Variants in CYB5R4 observed in about 807,000 individuals in gnomAD.
CYB5R4 encodes N-terminal cytochrome b5 and cytochrome b5 oxidoreductase domain-containing protein.
A neutral mutation model predicts 70.2 loss-of-function variants in CYB5R4; 55 were observed. The observed-to-expected ratio is 0.78, with a 90% CI of 0.63 to 0.98. CYB5R4 has a LOEUF of 0.98. CYB5R4 is among the 50% of genes least tolerant of loss of function. The pLI, the probability that CYB5R4 is intolerant of heterozygous loss-of-function variation, is 0.00. For synonymous variants in CYB5R4, 197 were observed against 199.5 expected (o/e 0.99, Z 0.11); for missense variants, 562 against 612.6 (o/e 0.92, Z 0.87).
intron 14 of CYB5R4, among the ~76,000 whole-genome samples, chr6:83,944,054 G>A (rs2099470193): frequency 6.6e-6 from 1 of 152,064 alleles, no homozygotes; most frequent in African/African-American, 2.4e-5. Context: ...TAGCAACACA[G>A]GCCAACATTC....
At chr6:83,903,439 T>C (rs2099463306) in intron 3 of CYB5R4, among the ~76,000 whole-genome samples, 1 of 152,114 alleles carries the variant, frequency 6.6e-6, no homozygotes. Context: ...TTCTTGACAT[T>C]TTTCCATTTA....
At chr6:83,861,337 T>C (rs1197732287) in intron 1 of CYB5R4, among the ~76,000 whole-genome samples, 1 of 152,248 alleles carries the variant, frequency 6.6e-6, no homozygotes, top group African/African-American at 2.4e-5. Flanking sequence ...AACAAGATGA[T>C]GCTGAGAATG....
At chr6:83,909,161 A>T in intron 4 of CYB5R4, 71 bp downstream of exon 4, 1 of 1,261,120 alleles carries the variant, frequency 7.9e-7, no homozygotes. Context: ...TTGGATTTAA[A>T]CAACTAGGTC....
rs1041911934 is a variant in CYB5R4 at position 83,959,957 on chromosome 6, T to A, written c.*79T>A. On this transcript the variant is annotated 3_prime_UTR_variant, in exon 16 of 16. Transcript: ENST00000369681. ...TTAGGGTTTTTTAAGAGAACATTTT[T>A]GTACATAACAAAAGGTTAACTAGAA... The A allele has an allele frequency of 7.2e-6, 8 of 1,118,584 alleles. No individual in the cohort carries two copies. The African/African-American group carries it at 1.3e-4, about 18-fold the overall frequency. 69.3% of individuals were successfully genotyped at this position (1,118,584 alleles called of 1,614,324 possible).
chr6:83,909,757 G>A (rs1423743125), intron 4 of CYB5R4, among the ~76,000 whole-genome samples: 1 of 152,124 alleles, frequency 6.6e-6, no homozygotes, highest in African/African-American at 2.4e-5. Flanking sequence ...TATGCCAGTT[G>A]TTTTTCACTG....
chr6:83,913,388 T>A (rs1242652793), intron 4 of CYB5R4, among the ~76,000 whole-genome samples: 2 of 152,180 alleles, frequency 1.3e-5, no homozygotes, highest in African/African-American at 4.8e-5. Context: ...CAAATCTAAT[T>A]TTGGCTTTTT....
chr6:83,874,711 G>A (rs146442255), intron 2 of CYB5R4, among the ~76,000 whole-genome samples: 4 of 151,994 alleles, frequency 2.6e-5, no homozygotes, highest in South Asian at 4.2e-4. Flanking sequence ...CTCCCTGATC[G>A]CTTCTTCCCC....
At chr6:83,914,564 G>A (rs2099465193) in intron 5 of CYB5R4, 116 bp downstream of exon 5, 4 of 899,042 alleles carry the variant, frequency 4.4e-6, no homozygotes, top group Middle Eastern at 3.9e-4. Flanking sequence ...TTGAGATGGA[G>A]TATTGCTTTG....
intron 14 of CYB5R4, among the ~76,000 whole-genome samples, chr6:83,953,110 C>A (rs947796623): frequency 8.6e-5 from 13 of 150,400 alleles, no homozygotes; most frequent in African/African-American, 3.0e-4. Flanking sequence ...TAATGTGTTC[C>A]CCGGAATGGA....
At chr6:83,864,939 T>C (rs1404241037) in intron 2 of CYB5R4, among the ~76,000 whole-genome samples, 1 of 152,074 alleles carries the variant, frequency 6.6e-6, no homozygotes, top group Non-Finnish European at 1.5e-5. Flanking sequence ...CAACCTGATA[T>C]CTAGTAGGGG....
At chr6:83,943,166 G>T (rs2099470029) in intron 14 of CYB5R4, among the ~76,000 whole-genome samples, 1 of 152,140 alleles carries the variant, frequency 6.6e-6, no homozygotes, top group South Asian at 2.1e-4. Context: ...CCTCCTGACG[G>T]GGAGACACCC....
In CYB5R4 at chr6:83,914,397, T is replaced by C. The variant is rs762389880; in HGVS notation, c.413-19T>C. ...TTAAAGTATTCTTATTTGACTTTTTTTTCTAAATCACTATACAGACTATCG... is the reference window on the plus strand; with the variant it reads ...TTAAAGTATTCTTATTTGACTTTTTCTTCTAAATCACTATACAGACTATCG... On this transcript the variant is annotated intron_variant, in intron 4 of 15. Transcript: ENST00000369681. 2 of 1,530,260 alleles carry C rather than the reference T, an allele frequency of 1.3e-6. No individual in the cohort carries two copies. The highest frequency in any genetic ancestry group is 2.4e-5 in the South Asian group (2 of 84,788). 94.8% of individuals were successfully genotyped at this position (1,530,260 alleles called of 1,614,324 possible).
At chr6:83,867,019 C>A (rs1335266769) in intron 2 of CYB5R4, among the ~76,000 whole-genome samples, 3 of 151,986 alleles carry the variant, frequency 2.0e-5, no homozygotes, top group Non-Finnish European at 2.9e-5. Flanking sequence ...TTTTTTAAAT[C>A]TTTTTACAGA....
chr6:83,886,381 G>A (rs966927165), intron 2 of CYB5R4, among the ~76,000 whole-genome samples: 1 of 152,078 alleles, frequency 6.6e-6, no homozygotes, highest in Non-Finnish European at 1.5e-5. Context: ...AGTGGAACCA[G>A]CTCAAATGCT....
intron 10 of CYB5R4, among the ~76,000 whole-genome samples, chr6:83,929,862 TA>T (rs545931483): frequency 6.7e-6 from 1 of 150,138 alleles, no homozygotes; most frequent in Non-Finnish European, 1.5e-5. Flanking sequence ...AAACAAGATT[TA>T]AAAAAAAAAT....
chr6:83,900,285 GT>G (rs2099462696), intron 3 of CYB5R4, among the ~76,000 whole-genome samples: 1 of 152,174 alleles, frequency 6.6e-6, no homozygotes, highest in Non-Finnish European at 1.5e-5. Context: ...TGTTGAGTGA[GT>G]TTCTTAATCC....
At chr6:83,949,114 CTT>C (rs35294668) in intron 14 of CYB5R4, among the ~76,000 whole-genome samples, 61 of 125,746 alleles carry the variant, frequency 4.9e-4, no homozygotes, top group East Asian at 1.6e-3. Flanking sequence ...GCGTTTTGGG[CTT>C]TTTTTTTTTT....
At chr6:83,951,658 C>CA (rs1480619442) in intron 14 of CYB5R4, among the ~76,000 whole-genome samples, 3 of 152,132 alleles carry the variant, frequency 2.0e-5, no homozygotes, top group Non-Finnish European at 4.4e-5. Flanking sequence ...TGTAATGTGC[C>CA]ACATTTTCTT....
At chr6:83,925,374 A>G (rs550933449) in intron 10 of CYB5R4, among the ~76,000 whole-genome samples, 2 of 152,304 alleles carry the variant, frequency 1.3e-5, no homozygotes, top group African/African-American at 4.8e-5. Flanking sequence ...CCCTACCTCC[A>G]ACACTGGGGA....
Sources: allele counts gnomAD v4.1 joint callset (sites outside exome capture counted in the v4.1 genomes callset), GRCh38; gene constraint gnomAD v4.1.1; transcripts MANE v1.5; gene names NCBI Gene and HGNC (gene_info 2026-07-23, HGNC 2026-07-21).